The following CACNA1A variants were observed in gnomAD, a reference collection of about 807,000 sequenced individuals.
The protein encoded by CACNA1A is calcium voltage-gated channel subunit alpha1 A.
A neutral mutation model predicts 262.4 loss-of-function variants in CACNA1A; 57 were observed. The ratio of observed to expected loss-of-function variants is 0.22; its 90% CI spans 0.18 to 0.27. The LOEUF (loss-of-function observed/expected upper bound fraction) is 0.27, where lower values mean the gene tolerates loss of function less well. Ranked by LOEUF, CACNA1A falls within the 10% of genes least tolerant of loss-of-function variation. CACNA1A has a pLI of 1.00. For missense variants in CACNA1A, 2,526 were observed against 3,562.8 expected, an observed-to-expected ratio of 0.71 and a Z score of 7.41; for synonymous variants, 1,431 against 1,419.3, an observed-to-expected ratio of 1.01 and a Z score of -0.18.
At chr19:13,338,216 A>C (rs370769255) in intron 6 of CACNA1A, among the ~76,000 whole-genome samples, 162 of 151,712 alleles carry the variant, frequency 1.1e-3, no homozygotes, top group African/African-American at 3.8e-3. Context: ...CTTCGTCTCA[A>C]AAAAAAAAGA....
At chr19:13,256,310 C>A (rs2144743730) in intron 28 of CACNA1A, 1 of 152,206 alleles carries the variant, frequency 6.6e-6, no homozygotes, top group African/African-American at 2.4e-5. Flanking sequence ...TTCTTTCTTA[C>A]TGAATACTTT....
At chr19:13,351,630 C>T (rs2145212807) in intron 6 of CACNA1A, among the ~76,000 whole-genome samples, 1 of 152,360 alleles carries the variant, frequency 6.6e-6, no homozygotes, top group African/African-American at 2.4e-5. Flanking sequence ...CTGCCTCAGC[C>T]TCCTGCGTAG....
Position 13,506,317 on chromosome 19 carries a change from G to A in CACNA1A, c.-93C>T. On this transcript the variant is annotated 5_prime_UTR_variant, in exon 1 of 47. Transcript: ENST00000360228. Reference sequence around the variant, plus strand: ...CGCCGCCGCTGATGCTGAGGCTGCCGGGGCTGGGAGCGCGGCGGCTGGAGC... The same window carrying A: ...CGCCGCCGCTGATGCTGAGGCTGCCAGGGCTGGGAGCGCGGCGGCTGGAGC... The A allele has an allele frequency of 8.4e-7, 1 of 1,185,052 alleles. No individual in the cohort carries two copies. The highest frequency in any genetic ancestry group is 1.1e-6 in the Non-Finnish European group (1 of 905,106). 73.4% of individuals were successfully genotyped at this position (1,185,052 alleles called of 1,614,324 possible). A position where few individuals can be genotyped will look rare whatever the true frequency, so the allele number is the denominator to read the frequency against.
At chr19:13,314,632 C>T (rs576923329) in intron 11 of CACNA1A, among the ~76,000 whole-genome samples, 3 of 152,306 alleles carry the variant, frequency 2.0e-5, no homozygotes, top group Non-Finnish European at 4.4e-5. Context: ...TCTTGGGCTT[C>T]CCAGCCTCCA....
intron 3 of CACNA1A, among the ~76,000 whole-genome samples, chr19:13,379,533 G>A (rs117986423): frequency 0.012 from 1,763 of 152,228 alleles, 16 homozygotes; most frequent in Non-Finnish European, 0.019. Context: ...GAAAGGACGC[G>A]TCAGTGACAT....
chr19:13,331,739 C>G (rs940803305), intron 9 of CACNA1A, among the ~76,000 whole-genome samples: 1 of 152,060 alleles, frequency 6.6e-6, no homozygotes, highest in Non-Finnish European at 1.5e-5. Context: ...GTGCCCACTG[C>G]AACCTCGACC....
At chr19:13,445,864 T>C (rs1476940899) in intron 3 of CACNA1A, among the ~76,000 whole-genome samples, 1 of 152,200 alleles carries the variant, frequency 6.6e-6, no homozygotes, top group East Asian at 1.9e-4. Flanking sequence ...GGTAAGATCT[T>C]TTCCACCAAA....
Position 13,214,465 on chromosome 19 carries a change from G to A in CACNA1A, c.5839+36C>T, listed in dbSNP as rs2054926366. 1.3e-6 allele frequency: 2 copies of A among 1,578,628 alleles called. No homozygotes were observed. Among genetic ancestry groups the A allele is most frequent in the Non-Finnish European group, 1.7e-6 (2 of 1,149,666 alleles). ...CTTTCCCTCCCCCTCCATCTGTCCTGGTGGATTGGATCCCAGGGCTGGGCT... is the reference window on the plus strand; with the variant it reads ...CTTTCCCTCCCCCTCCATCTGTCCTAGTGGATTGGATCCCAGGGCTGGGCT... On this transcript the variant is annotated intron_variant, in intron 39 of 46. Transcript: ENST00000360228. The surrounding 1 kb of genome is among the most constrained non-coding windows in gnomAD (Gnocchi z 4.1).
At position 13,298,965 on chromosome 19, in the gene CACNA1A, C is replaced by T. The variant is rs2057731812; in HGVS notation, c.2668G>A (p.Glu890Lys). 4 of 1,586,354 alleles carry T rather than the reference C, an allele frequency of 2.5e-6. No homozygotes were observed. Among genetic ancestry groups the T allele is most frequent in the East Asian group, 2.3e-5 (1 of 44,124 alleles). Residue 890 changes from glutamate (E) to lysine (K), a missense_variant, in exon 19 of 47, where the codon GAG becomes AAG. Physicochemically the swap from Glu to Lys is moderately conservative, Grantham distance 56. Around this residue, in one of 17 missense-constraint regions of CACNA1A, gnomAD observed 765 missense variants for 748.6 expected, o/e 1.02. Coordinates refer to ENST00000360228, the MANE Select transcript of CACNA1A (RefSeq NM_001127222.2). The stretch of plus-strand genomic sequence containing the variant: ...CCGTAGGGTCCCTCCCGGCTCAGCT[C>T]GGCCTCCTGGCTTCCCGCCCAGGGC... ...RRPWAGSQEA[E>K]LSREGPYGRE...
intron 1 of CACNA1A, among the ~76,000 whole-genome samples, chr19:13,472,151 T>C (rs1397459249): frequency 2.6e-5 from 4 of 151,844 alleles, no homozygotes; most frequent in Non-Finnish European, 5.9e-5. Context: ...TATTTTTATT[T>C]GTAGTGATGG....
intron 10 of CACNA1A, among the ~76,000 whole-genome samples, chr19:13,327,093 C>T (rs2058376564): frequency 6.6e-6 from 1 of 151,988 alleles, no homozygotes; most frequent in African/African-American, 2.4e-5. Flanking sequence ...GTTGCCTAGG[C>T]TGGTCTGAAA....
intron 7 of CACNA1A, among the ~76,000 whole-genome samples, chr19:13,335,506 G>T (rs185686627): frequency 6.6e-6 from 1 of 152,040 alleles, no homozygotes; most frequent in Admixed American, 6.6e-5. Context: ...AAAATACACC[G>T]TTAGAGCATA....
At chr19:13,328,039 T>C (rs77700117) in intron 10 of CACNA1A, among the ~76,000 whole-genome samples, 3,488 of 152,152 alleles carry the variant, frequency 0.023, 136 homozygotes, top group African/African-American at 0.079. Flanking sequence ...GATGGGACTA[T>C]AGGTGTGTGC....
Position 13,275,963 on chromosome 19 carries a change from GGGA to G in CACNA1A, c.3883-10_3883-8del. On this transcript the variant is annotated splice_polypyrimidine_tract_variant and splice_region_variant and intron_variant, in intron 23 of 46. Coordinates refer to ENST00000360228, the MANE Select transcript of CACNA1A (RefSeq NM_001127222.2). Reference sequence around the variant, plus strand: ...CGAGCCCCAGGTCAATCATCTGTGGGGGAGAAGAGAGGGTGCTCAGAACCCCCA... The same window carrying G: ...CGAGCCCCAGGTCAATCATCTGTGGGGAAGAGAGGGTGCTCAGAACCCCCA... 1 of 1,597,376 alleles carries G rather than the reference GGGA, an allele frequency of 6.3e-7. No individual in the cohort carries two copies. The highest frequency in any genetic ancestry group is 8.6e-7 in the Non-Finnish European group (1 of 1,164,988).
chr19:13,221,187 A>C, intron 38 of CACNA1A, among the ~76,000 whole-genome samples: 5 of 94,256 alleles, frequency 5.3e-5, no homozygotes, highest in South Asian at 4.3e-4. Flanking sequence ...TCTCCCACCC[A>C]CTCCTTTTTT....
intron 43 of CACNA1A, chr19:13,211,131 A>G (rs938814472): frequency 4.6e-4 from 80 of 172,354 alleles, no homozygotes; most frequent in African/African-American, 1.6e-3. Flanking sequence ...GTGCTCCCCA[A>G]CCCACGTTCC....
chr19:13,338,341 G>T (rs2030615111), intron 6 of CACNA1A, among the ~76,000 whole-genome samples: 1 of 152,148 alleles, frequency 6.6e-6, no homozygotes, highest in African/African-American at 2.4e-5. Flanking sequence ...AAATGCCATT[G>T]TGCAGTGTAT....
At chr19:13,385,378 T>G (rs2144624814) in intron 3 of CACNA1A, among the ~76,000 whole-genome samples, 1 of 152,096 alleles carries the variant, frequency 6.6e-6, no homozygotes, top group South Asian at 2.1e-4. Flanking sequence ...TACAGGCACT[T>G]GCCACCATGC....
chr19:13,368,112 T>A (rs1261682976), intron 4 of CACNA1A, among the ~76,000 whole-genome samples: 1 of 151,818 alleles, frequency 6.6e-6, no homozygotes, highest in Non-Finnish European at 1.5e-5. Flanking sequence ...CTCAGGAGTT[T>A]GAGACCAGCC....
Sources: allele counts gnomAD v4.1 joint callset (sites outside exome capture counted in the v4.1 genomes callset), GRCh38; gene constraint gnomAD v4.1.1; regional missense constraint gnomAD v4.1.1; non-coding constraint Gnocchi (gnomAD v3.1); transcripts MANE v1.5; gene names NCBI Gene and HGNC (gene_info 2026-07-23, HGNC 2026-07-21).